TEX9: variants seen among roughly 807,000 people sequenced by gnomAD.
The protein encoded by TEX9 is testis-expressed protein 9.
TEX9 carries 74 observed loss-of-function variants against 59.6 expected under a neutral mutation model. The observed-to-expected ratio is 1.24, with a 90% confidence interval of 1.03 to 1.51. The LOEUF is 1.51. Among genes scored for constraint, TEX9 ranks in the 40% most tolerant of loss-of-function variants. The pLI, the probability that TEX9 is intolerant of heterozygous loss-of-function variation, is 0.00. For missense variants in TEX9, 522 were observed against 447.8 expected, an observed-to-expected ratio of 1.17 and a Z score of -1.49; for synonymous variants, 186 against 152.2, an observed-to-expected ratio of 1.22 and a Z score of -1.64.
At chr15:56,267,715 GT>G (rs1422354363) in intron 1 of TEX9, among the ~76,000 whole-genome samples, 1 of 152,176 alleles carries the variant, frequency 6.6e-6, no homozygotes, top group Non-Finnish European at 1.5e-5. Context: ...GTACCATGCT[GT>G]TTTGTTTACT....
At chr15:56,379,356 T>A (rs1449637711) in intron 3 of TEX9, among the ~76,000 whole-genome samples, 1 of 152,210 alleles carries the variant, frequency 6.6e-6, no homozygotes, top group Non-Finnish European at 1.5e-5. Context: ...CTTTGTATAG[T>A]TTCCAAAGTT....
intron 1 of TEX9, among the ~76,000 whole-genome samples, chr15:56,272,412 G>C (rs1388294656): frequency 6.6e-6 from 1 of 152,190 alleles, no homozygotes; most frequent in African/African-American, 2.4e-5. Context: ...CATGTTTTGA[G>C]AGTTCATCTG....
intron 10 of TEX9, 123 bp from the exon 11 acceptor site, chr15:56,427,482 C>T (rs1358136032): frequency 3.3e-6 from 2 of 605,524 alleles, no homozygotes; most frequent in Non-Finnish European, 5.0e-6. Context: ...CAATTTTTAT[C>T]TACAAAAATT....
chr15:56,383,907 G>A (rs1596153531), intron 3 of TEX9, 45 bp from the exon 4 acceptor site: 1 of 1,420,664 alleles, frequency 7.0e-7, no homozygotes, highest in Non-Finnish European at 9.8e-7. Flanking sequence ...TTAATGGTTT[G>A]GTTTTTTTTC....
At chr15:56,387,064 A>G (rs2047993750) in intron 4 of TEX9, among the ~76,000 whole-genome samples, 1 of 151,998 alleles carries the variant, frequency 6.6e-6, no homozygotes, top group African/African-American at 2.4e-5. Context: ...ATAACGTAGT[A>G]TACGTATCCT....
At chr15:56,431,857 A>AAAT (rs1396566151) in intron 12 of TEX9, among the ~76,000 whole-genome samples, 2 of 151,984 alleles carry the variant, frequency 1.3e-5, no homozygotes, top group Non-Finnish European at 2.9e-5. Context: ...GTAAAACAAA[A>AAAT]AATAGTGAAT....
chr15:56,299,951 G>A (rs1240441547), intron 1 of TEX9, among the ~76,000 whole-genome samples: 1 of 152,004 alleles, frequency 6.6e-6, no homozygotes, highest in African/African-American at 2.4e-5. Flanking sequence ...GCTTTCAGTG[G>A]CCATGAGGAG....
chr15:56,255,473 T>G (rs1429222765), intron 1 of TEX9, among the ~76,000 whole-genome samples: 1 of 151,916 alleles, frequency 6.6e-6, no homozygotes, highest in Non-Finnish European at 1.5e-5. Context: ...CAGAATTTCT[T>G]TAATAAAAAA....
intron 1 of TEX9, among the ~76,000 whole-genome samples, chr15:56,261,208 C>G (rs2044257256): frequency 6.6e-6 from 1 of 151,794 alleles, no homozygotes; most frequent in African/African-American, 2.4e-5. Context: ...AATTTTATGT[C>G]AGCTATTTCA....
Position 56,419,585 on chromosome 15 carries a change from A to C in TEX9, c.963+7149A>C, listed in dbSNP as rs187302934. On this transcript the variant is annotated intron_variant, in intron 10 of 12. Transcript: ENST00000352903. ...ACCTTGTATTCCTGGGATATATTGC[A>C]CTTGGTGATGGTGTGTCATTATCTC... is the stretch of plus-strand genomic sequence containing the variant. Among the ~76,000 whole-genome samples the C allele has an allele frequency of 2.4e-3, 367 of 151,730 alleles. 13 individuals carry two copies. The highest frequency in any genetic ancestry group is 8.4e-3 in the African/African-American group (346 of 41,146).
At chr15:56,348,068 C>T (rs754597738) in intron 1 of TEX9, among the ~76,000 whole-genome samples, 8 of 152,106 alleles carry the variant, frequency 5.3e-5, no homozygotes, top group Middle Eastern at 6.8e-3. Context: ...TTGTCTGTAT[C>T]GATGTCAGTA....
chr15:56,406,596 C>G lies in TEX9; in HGVS notation c.829-5706C>G, dbSNP rs367846704. 1.3e-4 allele frequency among the ~76,000 whole-genome samples: 20 copies of G among 152,266 alleles called. No homozygotes were observed. In the East Asian group the frequency reaches 3.7e-3, roughly 28 times the overall value. On this transcript the variant is annotated intron_variant, in intron 9 of 12. Transcript: ENST00000352903. The stretch of plus-strand genomic sequence containing the variant: ...TATGAGAATTAGAGTTACTCTGTAT[C>G]ATCACCAACACTTGGGATTATTATC...
chr15:56,251,300 G>A (rs1178870256), intron 1 of TEX9, among the ~76,000 whole-genome samples: 1 of 152,072 alleles, frequency 6.6e-6, no homozygotes, highest in East Asian at 1.9e-4. Context: ...ATTCAGCAAA[G>A]CCTCAGGTTG....
At chr15:56,289,922 CAA>C (rs2045048529) in intron 1 of TEX9, among the ~76,000 whole-genome samples, 1 of 152,220 alleles carries the variant, frequency 6.6e-6, no homozygotes, top group African/African-American at 2.4e-5. Context: ...CTCGGAGTTA[CAA>C]AGTCTTTGGC....
intron 12 of TEX9, among the ~76,000 whole-genome samples, chr15:56,437,268 T>C (rs890824039): frequency 1.3e-5 from 2 of 152,144 alleles, no homozygotes; most frequent in Admixed American, 6.5e-5. Flanking sequence ...TTATCCACCA[T>C]GATCAAGTGG....
chr15:56,387,728 A>G (rs1187133470), intron 4 of TEX9, among the ~76,000 whole-genome samples: 1 of 151,932 alleles, frequency 6.6e-6, no homozygotes, highest in African/African-American at 2.4e-5. Context: ...GGCAGATAGC[A>G]AATATTTTTA....
chr15:56,369,152 A>G (rs552760927), intron 2 of TEX9, among the ~76,000 whole-genome samples: 3 of 152,042 alleles, frequency 2.0e-5, no homozygotes, highest in African/African-American at 4.8e-5. Context: ...TTTAGTTTGC[A>G]AGCACATAGG....
At chr15:56,435,513 CA>C (rs2050707311) in intron 12 of TEX9, among the ~76,000 whole-genome samples, 1 of 151,776 alleles carries the variant, frequency 6.6e-6, no homozygotes, top group South Asian at 2.1e-4. Context: ...CTACAGACAT[CA>C]AAAGGATAAT....
chr15:56,302,654 T>C (rs1450964311), intron 1 of TEX9, among the ~76,000 whole-genome samples: 1 of 151,936 alleles, frequency 6.6e-6, no homozygotes, highest in Non-Finnish European at 1.5e-5. Flanking sequence ...AAGAGAAGAC[T>C]ACAAAACAAC....
Sources: gnomAD v4.1 joint callset for allele counts (sites outside exome capture counted in the v4.1 genomes callset) on GRCh38, gnomAD v4.1.1 for gene constraint, MANE v1.5 for transcripts, NCBI Gene and HGNC (gene_info 2026-07-23, HGNC 2026-07-21) for gene names.